The following DPP6 variants were observed in gnomAD, a reference collection of about 807,000 sequenced individuals.
The protein encoded by DPP6 is dipeptidyl peptidase like 6, also known as A-type potassium channel modulatory protein DPP6.
In DPP6, 69 loss-of-function variants were observed where a neutral mutation model predicts 122.6. The ratio of observed to expected loss-of-function variants is 0.56; its 90% confidence interval spans 0.46 to 0.69. The LOEUF is 0.69. Among genes scored for constraint, DPP6 ranks in the 30% least tolerant of loss-of-function variants. The pLI is 0.00. For missense variants in DPP6, 928 were observed against 1,116.9 expected, an observed-to-expected ratio of 0.83 and a Z score of 2.41; for synonymous variants, 418 against 433.1, an observed-to-expected ratio of 0.97 and a Z score of 0.43.
intron 8 of DPP6, among the ~76,000 whole-genome samples, chr7:154,753,953 A>G (rs1843531413): frequency 6.6e-6 from 1 of 152,208 alleles, no homozygotes; most frequent in Non-Finnish European, 1.5e-5. Flanking sequence ...TTCTTTGAAC[A>G]ATAGAACCAG....
At chr7:154,063,102 G>C (rs528055418) in intron 1 of DPP6, among the ~76,000 whole-genome samples, 3 of 128,062 alleles carry the variant, frequency 2.3e-5, no homozygotes, top group East Asian at 2.3e-4. Context: ...CTGGCTGTTA[G>C]TACCCCCATC....
chr7:154,614,050 T>C (rs1834078054), intron 5 of DPP6, among the ~76,000 whole-genome samples: 1 of 152,212 alleles, frequency 6.6e-6, no homozygotes. Flanking sequence ...ACGGCCAGCC[T>C]CTGTGCCTCC....
the DPP6 span, among the ~76,000 whole-genome samples, chr7:153,804,913 C>G: frequency 1.3e-5 from 2 of 152,020 alleles, no homozygotes; most frequent in Non-Finnish European, 1.5e-5. Context: ...TTGCACCAAC[C>G]TATTAATTAA....
intron 1 of DPP6, among the ~76,000 whole-genome samples, chr7:154,113,978 A>G (rs1210029140): frequency 2.0e-5 from 3 of 152,196 alleles, no homozygotes; most frequent in Non-Finnish European, 2.9e-5. Flanking sequence ...TGCCAGGGCA[A>G]TTAGGCAAGA....
chr7:154,774,442 T>C (rs1372508327), intron 10 of DPP6, among the ~76,000 whole-genome samples: 1 of 152,208 alleles, frequency 6.6e-6, no homozygotes, highest in African/African-American at 2.4e-5. Context: ...GCCATCTGTT[T>C]GAGTTAATTG....
the DPP6 span, among the ~76,000 whole-genome samples, chr7:153,758,590 T>G: frequency 7.2e-5 from 11 of 152,362 alleles, no homozygotes; most frequent in African/African-American, 2.6e-4. Context: ...TTACTTTCCA[T>G]TTTCTAACAT....
chr7:153,837,261 T>G, the DPP6 span, among the ~76,000 whole-genome samples: 11,330 of 152,102 alleles, frequency 0.074, 624 homozygotes, highest in East Asian at 0.24. Flanking sequence ...AAAAATGTGT[T>G]TTTTTTTGTT....
chr7:154,087,341 G>T (rs1285055721), intron 1 of DPP6, among the ~76,000 whole-genome samples: 2 of 152,096 alleles, frequency 1.3e-5, no homozygotes, highest in South Asian at 2.1e-4. Flanking sequence ...TAGCAGGAAG[G>T]CACTGAAGAG....
At chr7:154,360,893 G>A (rs578048253) in intron 1 of DPP6, among the ~76,000 whole-genome samples, 1 of 152,290 alleles carries the variant, frequency 6.6e-6, no homozygotes, top group African/African-American at 2.4e-5. Flanking sequence ...ATGAGATTCT[G>A]TGTAATAAGA....
chr7:154,630,153 T>C, intron 5 of DPP6, among the ~76,000 whole-genome samples: 1 of 152,318 alleles, frequency 6.6e-6, no homozygotes, highest in Non-Finnish European at 1.5e-5. Context: ...CGCCTTACTC[T>C]AAAACTGCCT....
intron 1 of DPP6, among the ~76,000 whole-genome samples, chr7:154,244,951 C>CTTTTTT (rs745446498): frequency 8.9e-4 from 119 of 133,200 alleles, no homozygotes; most frequent in African/African-American, 3.2e-3. Flanking sequence ...TCTAAAGGGA[C>CTTTTTT]TTTTTTTTTT....
chr7:153,899,272 A>T (rs1236483953), intron 1 of DPP6, among the ~76,000 whole-genome samples: 1 of 150,418 alleles, frequency 6.6e-6, no homozygotes, highest in Non-Finnish European at 1.5e-5. Context: ...CAGGTTTGTG[A>T]TATGTCTACC....
At chr7:154,227,418 GT>G (rs1800677219) in intron 1 of DPP6, among the ~76,000 whole-genome samples, 1 of 152,106 alleles carries the variant, frequency 6.6e-6, no homozygotes, top group South Asian at 2.1e-4. Context: ...AAAGTGGGGA[GT>G]TGCTCTTCAG....
chr7:154,827,434 G>A (rs150972104), intron 16 of DPP6, among the ~76,000 whole-genome samples: 173 of 152,136 alleles, frequency 1.1e-3, no homozygotes, highest in African/African-American at 4.0e-3. Flanking sequence ...CCCCGCATGG[G>A]CTGCCTGAGC....
At chr7:154,107,262 G>A (rs1304957221) in intron 1 of DPP6, among the ~76,000 whole-genome samples, 1 of 152,232 alleles carries the variant, frequency 6.6e-6, no homozygotes, top group East Asian at 1.9e-4. Context: ...CCTTAAAAAA[G>A]CAGGAGAGTC....
chr7:154,276,394 G>A (rs1804130510), intron 1 of DPP6, among the ~76,000 whole-genome samples: 1 of 152,124 alleles, frequency 6.6e-6, no homozygotes, highest in South Asian at 2.1e-4. Context: ...GTGAAGTTGA[G>A]GAAAGAACAT....
Position 154,318,492 on chromosome 7 carries a change from C to A in DPP6, c.244-127722C>A, listed in dbSNP as rs182988670. ...TCTTCCAGCCCCCAAATACCAAGAC[C>A]AAAAGCTTGGAATCACTTCATGGAA... On this transcript the variant is annotated intron_variant, in intron 1 of 25. Transcript: ENST00000377770. Among the ~76,000 whole-genome samples, 336 of 152,244 alleles carry A rather than the reference C, an allele frequency of 2.2e-3. 11 individuals carry two copies. The highest frequency in any genetic ancestry group is 0.022 in the Admixed American group (329 of 15,298).
intron 4 of DPP6, among the ~76,000 whole-genome samples, chr7:154,544,344 C>T (rs144264149): frequency 3.8e-4 from 58 of 152,066 alleles, no homozygotes; most frequent in African/African-American, 1.3e-3. Context: ...CACAGTTGTC[C>T]CCAAAGCACA....
At chr7:154,672,400 G>C (rs1001322164) in intron 7 of DPP6, among the ~76,000 whole-genome samples, 5 of 152,180 alleles carry the variant, frequency 3.3e-5, no homozygotes, top group Admixed American at 2.6e-4. Flanking sequence ...ACAGTGTCTG[G>C]TGCCCAGTAC....
Sources: gnomAD v4.1 joint callset for allele counts (sites outside exome capture counted in the v4.1 genomes callset) on GRCh38, gnomAD v4.1.1 for gene constraint, MANE v1.5 for transcripts, NCBI Gene and HGNC (gene_info 2026-07-23, HGNC 2026-07-21) for gene names.